Variants in ASPH observed in about 807,000 individuals in gnomAD.
ASPH encodes the protein aspartyl/asparaginyl beta-hydroxylase.
A neutral mutation model predicts 118.4 loss-of-function variants in ASPH; 100 were observed. The ratio of observed to expected loss-of-function variants is 0.84; its 90% CI spans 0.72 to 1.00. ASPH has a LOEUF of 1.00. Among genes scored for constraint, ASPH ranks in the 50% least tolerant of loss-of-function variants. ASPH has a pLI of 0.00. For missense variants in ASPH, 920 were observed against 919.5 expected (o/e 1.00, Z -0.01); for synonymous variants, 315 against 325.6 (o/e 0.97, Z 0.35).
intron 15 of ASPH, chr8:61,578,412 G>A (rs562082071): frequency 5.7e-5 from 91 of 1,603,884 alleles, no homozygotes; most frequent in East Asian, 1.6e-4. Context: ...AGGCATCACC[G>A]CAGTCATGGT....
At chr8:61,586,809 A>T (rs2132702259) in intron 14 of ASPH, among the ~76,000 whole-genome samples, 1 of 152,304 alleles carries the variant, frequency 6.6e-6, no homozygotes, top group Non-Finnish European at 1.5e-5. Context: ...GATATGACTT[A>T]ATCCACTTGC....
chr8:61,538,714 T>C (rs1357810776), intron 21 of ASPH, among the ~76,000 whole-genome samples: 1 of 152,218 alleles, frequency 6.6e-6, no homozygotes, highest in Non-Finnish European at 1.5e-5. Context: ...TCCAATGCAC[T>C]ATGTCACATC....
intron 24 of ASPH, among the ~76,000 whole-genome samples, chr8:61,508,372 G>T (rs1280851713): frequency 6.6e-6 from 1 of 152,180 alleles, no homozygotes; most frequent in African/African-American, 2.4e-5. Flanking sequence ...GTTGTCAAAA[G>T]ATATAAGAAT....
At chr8:61,712,593 G>T (rs899598550) in intron 1 of ASPH, among the ~76,000 whole-genome samples, 1 of 152,160 alleles carries the variant, frequency 6.6e-6, no homozygotes, top group African/African-American at 2.4e-5. Flanking sequence ...AAAGGCTGTA[G>T]ATCCTCAAAT....
chr8:61,692,791 G>C (rs1250711835), intron 1 of ASPH, among the ~76,000 whole-genome samples: 2 of 152,012 alleles, frequency 1.3e-5, no homozygotes, highest in Non-Finnish European at 2.9e-5. Context: ...CCCTGGAATT[G>C]GCATTGCTAA....
intron 22 of ASPH, 112 bp downstream of exon 22, chr8:61,525,865 C>A (rs559115771): frequency 6.9e-7 from 1 of 1,457,638 alleles, no homozygotes; most frequent in East Asian, 2.3e-5. Flanking sequence ...TTGGGCCCCT[C>A]GTTTAAGCCT....
At chr8:61,704,549 A>G (rs541366700) in intron 1 of ASPH, among the ~76,000 whole-genome samples, 1 of 152,100 alleles carries the variant, frequency 6.6e-6, no homozygotes, top group African/African-American at 2.4e-5. Context: ...ATAAAAAAAT[A>G]AAAAGGTAAG....
intron 18 of ASPH, among the ~76,000 whole-genome samples, chr8:61,557,109 C>A (rs1322254497): frequency 6.6e-6 from 1 of 152,138 alleles, no homozygotes; most frequent in Admixed American, 6.5e-5. Context: ...GGTGTCTCAT[C>A]ATCTCTCTAT....
chr8:61,529,136 G>A (rs1450179466), intron 21 of ASPH, among the ~76,000 whole-genome samples: 1 of 152,212 alleles, frequency 6.6e-6, no homozygotes, highest in Non-Finnish European at 1.5e-5. Flanking sequence ...CAGTCTGGTG[G>A]TCAGCACAGG....
intron 13 of ASPH, among the ~76,000 whole-genome samples, chr8:61,627,075 T>A (rs1011086017): frequency 2.0e-5 from 3 of 152,210 alleles, no homozygotes; most frequent in Non-Finnish European, 4.4e-5. Context: ...TAAGTGGAAT[T>A]GTTTGGGAAC....
intron 10 of ASPH, 43 bp downstream of exon 10, chr8:61,642,845 C>CAAAAAAAAAAAGAA: frequency 1.1e-6 from 1 of 872,948 alleles, no homozygotes; most frequent in Non-Finnish European, 1.5e-6. Context: ...AACTCCATCT[C>CAAAAAAAAAAAGAA]AAAAAAAAAA....
At chr8:61,565,295 G>A (rs1035176884) in intron 17 of ASPH, among the ~76,000 whole-genome samples, 1 of 151,592 alleles carries the variant, frequency 6.6e-6, no homozygotes, top group African/African-American at 2.4e-5. Flanking sequence ...TTTTTTTAGA[G>A]TACCAGAAAC....
chr8:61,517,304 G>C, intron 24 of ASPH: 1 of 540,730 alleles, frequency 1.8e-6, no homozygotes, highest in East Asian at 3.1e-5. Context: ...TAAGTACTCT[G>C]CCGAGAAATA....
At chr8:61,636,306 T>C (rs953461800) in intron 12 of ASPH, among the ~76,000 whole-genome samples, 6 of 152,212 alleles carry the variant, frequency 3.9e-5, no homozygotes, top group African/African-American at 1.4e-4. Context: ...ACAAGAGCTA[T>C]GGAGAAAAAA....
chr8:61,708,085 A>G (rs1278472996), intron 1 of ASPH, among the ~76,000 whole-genome samples: 1 of 152,206 alleles, frequency 6.6e-6, no homozygotes, highest in Non-Finnish European at 1.5e-5. Context: ...ACAGGAGAGG[A>G]AAATCTAGGA....
intron 20 of ASPH, among the ~76,000 whole-genome samples, chr8:61,552,604 G>A (rs1380417412): frequency 6.6e-6 from 1 of 152,146 alleles, no homozygotes; most frequent in Non-Finnish European, 1.5e-5. Flanking sequence ...AAACAAAAAT[G>A]AATCTAGTCA....
At chr8:61,692,175 A>G (rs774752285) in intron 1 of ASPH, among the ~76,000 whole-genome samples, 4 of 152,346 alleles carry the variant, frequency 2.6e-5, no homozygotes, top group Admixed American at 6.5e-5. Flanking sequence ...TCCTCAGTTC[A>G]CAATGACAAT....
intron 14 of ASPH, among the ~76,000 whole-genome samples, chr8:61,593,393 C>A (rs1841730537): frequency 6.6e-6 from 1 of 152,312 alleles, no homozygotes; most frequent in African/African-American, 2.4e-5. Context: ...CCTCCTACAG[C>A]TAAGAATAAT....
intron 19 of ASPH, among the ~76,000 whole-genome samples, chr8:61,555,449 A>C (rs1827528524): frequency 6.6e-6 from 1 of 151,942 alleles, no homozygotes; most frequent in South Asian, 2.1e-4. Flanking sequence ...GCACACCACC[A>C]CACCAGGCTC....
Sources: allele counts gnomAD v4.1 joint callset (sites outside exome capture counted in the v4.1 genomes callset), GRCh38; gene constraint gnomAD v4.1.1; transcripts MANE v1.5; gene names NCBI Gene and HGNC (gene_info 2026-07-23, HGNC 2026-07-21).